Variants in MDGA2 observed in about 807,000 individuals in gnomAD.
MDGA2 encodes the protein MAM domain containing glycosylphosphatidylinositol anchor 2.
MDGA2 carries 40 observed loss-of-function variants against 117.8 expected under a neutral mutation model. The ratio of observed to expected loss-of-function variants is 0.34; its 90% CI spans 0.26 to 0.44. The LOEUF is 0.44. Among genes scored for constraint, MDGA2 ranks in the 20% least tolerant of loss-of-function variants. The pLI is 1.00. For missense variants in MDGA2, 1,123 were observed against 1,250.6 expected (o/e 0.90, Z 1.54); for synonymous variants, 452 against 439.0 (o/e 1.03, Z -0.37).
intron 8 of MDGA2, among the ~76,000 whole-genome samples, chr14:46,960,061 A>C (rs186646767): frequency 7.9e-5 from 12 of 152,098 alleles, no homozygotes; most frequent in African/African-American, 2.4e-4. Context: ...GTCTCTACCA[A>C]AAATACAAAA....
At chr14:47,397,807 AC>A (rs964989267) in intron 1 of MDGA2, among the ~76,000 whole-genome samples, 2 of 152,160 alleles carry the variant, frequency 1.3e-5, no homozygotes, top group African/African-American at 4.8e-5. Flanking sequence ...CAAGGAGGTA[AC>A]CTTAGGGGCT....
chr14:47,010,352 T>C (rs201190597), intron 8 of MDGA2, among the ~76,000 whole-genome samples: 21,807 of 143,274 alleles, frequency 0.15, 1,854 homozygotes, highest in African/African-American at 0.24. Context: ...AGGAAAAAAA[T>C]AGATATAAAA....
chr14:47,425,053 A>C (rs551680797), intron 1 of MDGA2, among the ~76,000 whole-genome samples: 2 of 152,304 alleles, frequency 1.3e-5, no homozygotes, highest in South Asian at 4.2e-4. Context: ...AGCAGCTCCC[A>C]AGGTAGACCT....
intron 3 of MDGA2, among the ~76,000 whole-genome samples, chr14:47,181,993 A>C (rs191287094): frequency 1.0e-3 from 159 of 152,270 alleles, no homozygotes; most frequent in African/African-American, 3.7e-3. Context: ...AATTGCCTAC[A>C]TTTAGTTGCT....
At chr14:47,442,168 G>GGA (rs1893025968) in intron 1 of MDGA2, among the ~76,000 whole-genome samples, 1 of 152,098 alleles carries the variant, frequency 6.6e-6, no homozygotes, top group Non-Finnish European at 1.5e-5. Context: ...GATACTTTGA[G>GGA]TTCTTGTTTT....
At chr14:46,957,677 T>C (rs17117844) in intron 8 of MDGA2, 34 bp from the exon 9 acceptor site, 87,343 of 1,609,512 alleles carry the variant, frequency 0.054, 6,595 homozygotes, top group African/African-American at 0.27. Flanking sequence ...AGATGAAAGA[T>C]GTGACTTGCA....
intron 3 of MDGA2, among the ~76,000 whole-genome samples, chr14:47,210,666 T>C (rs1885847425): frequency 6.6e-6 from 1 of 152,172 alleles, no homozygotes; most frequent in Admixed American, 6.5e-5. Flanking sequence ...TTAGGACAAA[T>C]GAAACAGTAT....
chr14:47,280,288 T>C (rs1888436770), intron 2 of MDGA2, among the ~76,000 whole-genome samples: 1 of 105,212 alleles, frequency 9.5e-6, no homozygotes. Context: ...CACTCCAGCC[T>C]GGGCAACAAA....
At chr14:46,971,647 G>A (rs975286997) in intron 8 of MDGA2, among the ~76,000 whole-genome samples, 1 of 151,942 alleles carries the variant, frequency 6.6e-6, no homozygotes, top group African/African-American at 2.4e-5. Context: ...CTTGATAGCA[G>A]ATTAGAGAGA....
intron 3 of MDGA2, among the ~76,000 whole-genome samples, chr14:47,164,239 T>C (rs1883767446): frequency 6.6e-6 from 1 of 152,196 alleles, no homozygotes; most frequent in Non-Finnish European, 1.5e-5. Context: ...TGACAGGCTA[T>C]TTCTTATCCT....
chr14:47,260,592 A>G (rs556080092), intron 2 of MDGA2, among the ~76,000 whole-genome samples: 1 of 152,236 alleles, frequency 6.6e-6, no homozygotes, highest in African/African-American at 2.4e-5. Context: ...AAAGATAAGT[A>G]AAGGAGAAAA....
At chr14:46,953,971 T>A (rs1885463772) in intron 9 of MDGA2, among the ~76,000 whole-genome samples, 3 of 152,062 alleles carry the variant, frequency 2.0e-5, no homozygotes, top group African/African-American at 7.2e-5. Flanking sequence ...TCATCTGGTT[T>A]CCTATATAAT....
At chr14:46,922,543 A>G (rs933266725) in intron 9 of MDGA2, among the ~76,000 whole-genome samples, 7 of 152,224 alleles carry the variant, frequency 4.6e-5, no homozygotes, top group African/African-American at 1.4e-4. Flanking sequence ...TTGAAAGGCC[A>G]TATTTATTAA....
At chr14:47,643,413 T>G (rs1412382291) in intron 1 of MDGA2, among the ~76,000 whole-genome samples, 4 of 152,066 alleles carry the variant, frequency 2.6e-5, no homozygotes, top group Admixed American at 1.3e-4. Context: ...AATTAATGAT[T>G]TCTCTACACC....
chr14:47,565,483 T>C (rs1895899097), intron 1 of MDGA2, among the ~76,000 whole-genome samples: 1 of 152,184 alleles, frequency 6.6e-6, no homozygotes, highest in Non-Finnish European at 1.5e-5. Flanking sequence ...GTTCTCTGGC[T>C]GGAGGTTGGA....
intron 8 of MDGA2, among the ~76,000 whole-genome samples, chr14:47,000,377 T>TATTTA (rs1566567792): frequency 2.0e-5 from 2 of 100,026 alleles, no homozygotes; most frequent in African/African-American, 6.6e-5. Context: ...ATATATATAT[T>TATTTA]TATATATATA....
chr14:47,593,092 A>G (rs1896472205), intron 1 of MDGA2, among the ~76,000 whole-genome samples: 1 of 152,228 alleles, frequency 6.6e-6, no homozygotes, highest in Non-Finnish European at 1.5e-5. Flanking sequence ...ACACTTCTCA[A>G]AAGAAGACAT....
chr14:47,535,428 T>C (rs1282618052), intron 1 of MDGA2, among the ~76,000 whole-genome samples: 1 of 152,236 alleles, frequency 6.6e-6, no homozygotes, highest in Non-Finnish European at 1.5e-5. Flanking sequence ...TCATGTCTTA[T>C]ATTAGCAGTC....
chr14:47,395,837 T>C (rs1325691536), intron 1 of MDGA2, among the ~76,000 whole-genome samples: 1 of 152,172 alleles, frequency 6.6e-6, no homozygotes, highest in Non-Finnish European at 1.5e-5. Flanking sequence ...TGTTTAAGTT[T>C]GTTACAATAC....
Sources: gnomAD v4.1 joint callset for allele counts (sites outside exome capture counted in the v4.1 genomes callset) on GRCh38, gnomAD v4.1.1 for gene constraint, MANE v1.5 for transcripts, NCBI Gene and HGNC (gene_info 2026-07-23, HGNC 2026-07-21) for gene names.